SEC22C: variants seen among roughly 807,000 people sequenced by gnomAD.
SEC22C encodes vesicle-trafficking protein SEC22c.
Under a neutral mutation model 34.7 loss-of-function variants are expected in SEC22C, and 29 were observed. The ratio of observed to expected loss-of-function variants is 0.84; its 90% confidence interval spans 0.62 to 1.14. The LOEUF is 1.14. Among genes scored for constraint, SEC22C ranks in the 50% most tolerant of loss-of-function variants. The probability of loss-of-function intolerance (pLI) is 0.00; values close to 1 mark genes in which losing one functional copy is unlikely to be tolerated. For missense variants in SEC22C, 337 were observed against 369.0 expected, an observed-to-expected ratio of 0.91 and a Z score of 0.71; for synonymous variants, 117 against 132.8, an observed-to-expected ratio of 0.88 and a Z score of 0.82.
At chr3:42,554,225 C>T (rs1015922917) in intron 6 of SEC22C, among the ~76,000 whole-genome samples, 1 of 152,160 alleles carries the variant, frequency 6.6e-6, no homozygotes, top group African/African-American at 2.4e-5. Context: ...ACAATCCCTG[C>T]AGTCCTAAAA....
At chr3:42,591,391 C>T (rs1704833110) in intron 1 of SEC22C, 2 of 665,060 alleles carry the variant, frequency 3.0e-6, no homozygotes, top group Non-Finnish European at 2.7e-6. Flanking sequence ...TATGGGGTTT[C>T]CCCATGTTGG....
Position 42,551,634 on chromosome 3 carries a change from G to T in SEC22C, c.*1614C>A, listed in dbSNP as rs1322963430. ...AATACAGGCATGAGCCATCATGCCTGGCCCATATCCAAATATTTTATGTTT... is the reference window on the plus strand; with the variant it reads ...AATACAGGCATGAGCCATCATGCCTTGCCCATATCCAAATATTTTATGTTT... On this transcript the variant is annotated 3_prime_UTR_variant, in exon 7 of 7. Coordinates refer to ENST00000264454, the MANE Select transcript of SEC22C (RefSeq NM_032970.4). 2.1e-6 allele frequency: 2 copies of T among 942,314 alleles called. No homozygotes were observed. Among genetic ancestry groups the T allele is most frequent in the Non-Finnish European group, 2.5e-6 (2 of 790,886 alleles). The allele number at this position is 942,314 out of a possible 1,614,324, so 58.4% of individuals were successfully genotyped here. A position where few individuals can be genotyped will look rare whatever the true frequency, so the allele number is the denominator to read the frequency against.
exon 1 of SEC22C, chr3:42,600,977 C>T (rs1559542728): frequency 3.3e-6 from 5 of 1,529,650 alleles, no homozygotes; most frequent in African/African-American, 1.4e-5. Flanking sequence ...CTCCCCCTCT[C>T]TCCCAGCTCT....
intron 2 of SEC22C, among the ~76,000 whole-genome samples, chr3:42,567,363 G>A (rs1208111947): frequency 6.6e-6 from 1 of 152,170 alleles, no homozygotes; most frequent in Non-Finnish European, 1.5e-5. Flanking sequence ...TAGAATGACT[G>A]GCTTCTTGCT....
At position 42,552,349 on chromosome 3, in the gene SEC22C, AAAAGG is replaced by A. The variant is rs1702295164; in HGVS notation, c.*894_*898del. 25 of 985,244 alleles carry A rather than the reference AAAAGG, an allele frequency of 2.5e-5. No individual in the cohort carries two copies. The highest frequency in any genetic ancestry group is 3.0e-5 in the Non-Finnish European group (25 of 829,866). The allele number at this position is 985,244 out of a possible 1,614,324, so 61.0% of individuals were successfully genotyped here. A position where few individuals can be genotyped will look rare whatever the true frequency, so the allele number is the denominator to read the frequency against. On this transcript the variant is annotated 3_prime_UTR_variant, in exon 7 of 7. Transcript: ENST00000264454. ...AAACAACAGGCACTCAGCTCTACTG[AAAAGG>A]CTGATGACAGCAGCCCCTCCCAAGC...
chr3:42,557,388 A>G (rs1559512563), intron 5 of SEC22C, among the ~76,000 whole-genome samples, 190 bp downstream of exon 5: 1 of 152,204 alleles, frequency 6.6e-6, no homozygotes, highest in Non-Finnish European at 1.5e-5. Flanking sequence ...CCTGCTTCTT[A>G]GGACAATAGA....
At chr3:42,596,920 TC>T (rs1378418905) in intron 1 of SEC22C, among the ~76,000 whole-genome samples, 1 of 152,236 alleles carries the variant, frequency 6.6e-6, no homozygotes, top group African/African-American at 2.4e-5. Context: ...AATATTTCAT[TC>T]CTGAGCTCTA....
At position 42,550,531 on chromosome 3, in the gene SEC22C, G is replaced by GAAA; in HGVS notation, c.*2716_*2717insTTT. 7 of 985,418 alleles carry GAAA rather than the reference G, an allele frequency of 7.1e-6. No individual in the cohort carries two copies. Among genetic ancestry groups the GAAA allele is most frequent in the Non-Finnish European group, 8.4e-6 (7 of 829,922 alleles). 61.0% of individuals were successfully genotyped at this position (985,418 alleles called of 1,614,324 possible). A position where few individuals can be genotyped will look rare whatever the true frequency, so the allele number is the denominator to read the frequency against. On this transcript the variant is annotated 3_prime_UTR_variant, in exon 7 of 7. Transcript: ENST00000264454. ...CTTCAGTGAGCTGAGGATTCTTTTA[G>GAAA]CTAGCTGGATTTCAGTCAAACAATG...
chr3:42,600,981 C>G, exon 1 of SEC22C: 2 of 1,537,416 alleles, frequency 1.3e-6, no homozygotes, highest in South Asian at 1.2e-5. Context: ...CCCTCTCTCC[C>G]AGCTCTTGCC....
upstream of SEC22C, among the ~76,000 whole-genome samples, chr3:42,586,339 C>T (rs994997295): frequency 2.6e-5 from 4 of 152,300 alleles, no homozygotes; most frequent in East Asian, 7.7e-4. Context: ...CCTCCAGCCT[C>T]AGCCTCCCAA....
rs1224221127 is a variant in SEC22C, at chr3:42,551,847, C to T, written c.*1401G>A. The T allele has an allele frequency of 1.4e-5, 14 of 982,068 alleles. No individual in the cohort carries two copies. The highest frequency in any genetic ancestry group is 1.7e-5 in the Non-Finnish European group (14 of 827,014). The allele number at this position is 982,068 out of a possible 1,614,324, so 60.8% of individuals were successfully genotyped here. A position where few individuals can be genotyped will look rare whatever the true frequency, so the allele number is the denominator to read the frequency against. ...ACTACATTCTTACATTCCCTATCCACTCAACTCTTGTAATGGTTTTCCACT... is the reference window on the plus strand; with the variant it reads ...ACTACATTCTTACATTCCCTATCCATTCAACTCTTGTAATGGTTTTCCACT... On this transcript the variant is annotated 3_prime_UTR_variant, in exon 7 of 7. Transcript: ENST00000264454.
intron 1 of SEC22C, among the ~76,000 whole-genome samples, chr3:42,597,752 T>C (rs1705071151): frequency 6.6e-6 from 1 of 152,236 alleles, no homozygotes; most frequent in South Asian, 2.1e-4. Context: ...TTAGTGTTAG[T>C]GTATTTTATG....
At chr3:42,557,882 T>A (rs1373719219) in intron 4 of SEC22C, among the ~76,000 whole-genome samples, 186 bp from the exon 5 acceptor site, 1 of 152,208 alleles carries the variant, frequency 6.6e-6, no homozygotes, top group East Asian at 1.9e-4. Flanking sequence ...ATGGACAGAA[T>A]GGATGTGGGT....
chr3:42,600,726 G>A, intron 1 of SEC22C: 1 of 296,766 alleles, frequency 3.4e-6, no homozygotes, highest in Non-Finnish European at 6.3e-6. Context: ...GGCTGCAGTG[G>A]CAGTGCTTTC....
intron 2 of SEC22C, chr3:42,563,915 T>G (rs1172578379): frequency 3.5e-6 from 5 of 1,412,822 alleles, no homozygotes; most frequent in Non-Finnish European, 4.7e-6. Flanking sequence ...CTGTGATCAC[T>G]CTTATTTATT....
In SEC22C at chr3:42,551,629, T is replaced by C; in HGVS notation, c.*1619A>G. On this transcript the variant is annotated 3_prime_UTR_variant, in exon 7 of 7. Coordinates refer to ENST00000264454, the MANE Select transcript of SEC22C (RefSeq NM_032970.4). ...CTGGGAATACAGGCATGAGCCATCA[T>C]GCCTGGCCCATATCCAAATATTTTA... 1 of 937,640 alleles carries C rather than the reference T, an allele frequency of 1.1e-6. No individual in the cohort carries two copies. Among genetic ancestry groups the C allele is most frequent in the Non-Finnish European group, 1.3e-6 (1 of 786,370 alleles). 58.1% of individuals were successfully genotyped at this position (937,640 alleles called of 1,614,324 possible).
intron 1 of SEC22C, among the ~76,000 whole-genome samples, chr3:42,592,185 C>T (rs182771289): frequency 1.1e-4 from 16 of 152,006 alleles, no homozygotes; most frequent in Admixed American, 3.3e-4. Context: ...CCAGGTATTA[C>T]GCCCATTTTT....
chr3:42,599,111 G>A (rs1044479180), intron 1 of SEC22C, among the ~76,000 whole-genome samples: 6 of 151,562 alleles, frequency 4.0e-5, no homozygotes, highest in African/African-American at 1.5e-4. Flanking sequence ...GACTACGGGC[G>A]ACCGCCACCA....
intron 1 of SEC22C, among the ~76,000 whole-genome samples, chr3:42,597,269 T>A (rs947693075): frequency 3.9e-5 from 6 of 152,172 alleles, no homozygotes; most frequent in African/African-American, 1.4e-4. Flanking sequence ...AAAGGTGACA[T>A]GGACGGCTGG....
Sources: gnomAD v4.1 joint callset for allele counts (sites outside exome capture counted in the v4.1 genomes callset) on GRCh38, gnomAD v4.1.1 for gene constraint, MANE v1.5 for transcripts, NCBI Gene and HGNC (gene_info 2026-07-23, HGNC 2026-07-21) for gene names.